Variants in ERC2 observed in about 807,000 individuals in gnomAD.
The protein encoded by ERC2 is ELKS/RAB6-interacting/CAST family member 2.
A neutral mutation model predicts 114.8 loss-of-function variants in ERC2; 42 were observed. That is an observed-to-expected ratio of 0.37 (90% confidence interval 0.29 to 0.47). The LOEUF (loss-of-function observed/expected upper bound fraction) is 0.47. Ranked by LOEUF, ERC2 falls within the 20% of genes least tolerant of loss-of-function variation. The probability of loss-of-function intolerance (pLI) is 0.99; values close to 1 mark genes in which losing one functional copy is unlikely to be tolerated. For missense variants in ERC2, 939 were observed against 1,150.7 expected (o/e 0.82, Z 2.66); for synonymous variants, 454 against 425.5 (o/e 1.07, Z -0.82).
intron 16 of ERC2, among the ~76,000 whole-genome samples, chr3:55,687,382 T>G (rs1229155338): frequency 6.6e-6 from 1 of 152,178 alleles, no homozygotes; most frequent in African/African-American, 2.4e-5. Flanking sequence ...ACCGGATTTT[T>G]TTTTTTTTTA....
At chr3:55,676,033 G>T (rs1194732036) in intron 17 of ERC2, among the ~76,000 whole-genome samples, 5 of 145,372 alleles carry the variant, frequency 3.4e-5, no homozygotes, top group African/African-American at 1.3e-4. Context: ...CAATTCTCCT[G>T]CCTCAGCTTC....
chr3:55,719,630 A>C (rs984875194), intron 15 of ERC2, among the ~76,000 whole-genome samples: 12 of 152,158 alleles, frequency 7.9e-5, no homozygotes, highest in Non-Finnish European at 1.8e-4. Flanking sequence ...TGCTCATACT[A>C]TCTGCTATTA....
rs1167250049 is a variant in ERC2, at chr3:56,256,663, G to A, written c.1074+39356C>T. 5.9e-5 allele frequency among the ~76,000 whole-genome samples: 9 copies of A among 151,974 alleles called. No homozygotes were observed. In the East Asian group the frequency reaches 1.2e-3, roughly 20 times the overall value. On this transcript the variant is annotated intron_variant, in intron 3 of 17. Coordinates refer to ENST00000288221, the MANE Select transcript of ERC2 (RefSeq NM_015576.3). ...TCTTGAATTCTAATTCCCACATGTC[G>A]AGGGAGGGACCTGTAATCCCCATGT...
intron 3 of ERC2, among the ~76,000 whole-genome samples, chr3:56,271,893 C>T (rs539545141): frequency 6.6e-6 from 1 of 152,232 alleles, no homozygotes; most frequent in African/African-American, 2.4e-5. Flanking sequence ...ATGATGGTCT[C>T]CAGCTCCATC....
At chr3:56,070,803 A>C (rs1296254642) in intron 7 of ERC2, among the ~76,000 whole-genome samples, 1 of 152,232 alleles carries the variant, frequency 6.6e-6, no homozygotes, top group Non-Finnish European at 1.5e-5. Context: ...TAAGTGGGCC[A>C]AGAAAGTGTG....
At chr3:55,723,877 G>C (rs559754939) in intron 15 of ERC2, among the ~76,000 whole-genome samples, 1 of 152,160 alleles carries the variant, frequency 6.6e-6, no homozygotes, top group East Asian at 1.9e-4. Flanking sequence ...CTTTCATTTT[G>C]AAATCCAGCA....
intron 5 of ERC2, among the ~76,000 whole-genome samples, chr3:56,144,156 A>T (rs2081018302): frequency 1.3e-5 from 2 of 152,262 alleles, no homozygotes; most frequent in African/African-American, 4.8e-5. Flanking sequence ...TATGTGAGCA[A>T]GTGAGCACTG....
At chr3:56,356,660 G>A (rs981239284) in intron 2 of ERC2, among the ~76,000 whole-genome samples, 1 of 151,974 alleles carries the variant, frequency 6.6e-6, no homozygotes, top group African/African-American at 2.4e-5. Flanking sequence ...CAGATTTTAC[G>A]CATTCTCCAC....
In ERC2 at chr3:56,346,933, A is replaced by G. The variant is rs76100067; in HGVS notation, c.658-50498T>C. On this transcript the variant is annotated intron_variant, in intron 2 of 17. Transcript: ENST00000288221. ...TTTTATAATCGGCATTAATCCATTC[A>G]TAAGGGAGGAGCCTGCATGACCTAA... is the stretch of plus-strand genomic sequence containing the variant. Among the ~76,000 whole-genome samples the G allele has an allele frequency of 9.5e-4, 145 of 152,304 alleles. 1 individual carries two copies. Among genetic ancestry groups the G allele is most frequent in the African/African-American group, 3.2e-3 (134 of 41,574 alleles).
rs556268477 is a variant in ERC2, at chr3:55,547,097, C to T, written c.*40-35821G>A. Among the ~76,000 whole-genome samples the T allele has an allele frequency of 1.3e-3, 205 of 152,356 alleles. 3 individuals are homozygous for T. Among genetic ancestry groups the T allele is most frequent in the South Asian group, 7.0e-3 (34 of 4,830 alleles). Reference sequence around the variant, plus strand: ...TGGTAATAGCGTATCTCTGTAGGGGCGTTAGCAAAGACAGCAGGGGATGCG... The same window carrying T: ...TGGTAATAGCGTATCTCTGTAGGGGTGTTAGCAAAGACAGCAGGGGATGCG... On this transcript the variant is annotated intron_variant, in intron 17 of 17. Coordinates refer to ENST00000288221, the MANE Select transcript of ERC2 (RefSeq NM_015576.3).
intron 9 of ERC2, among the ~76,000 whole-genome samples, chr3:56,008,611 A>C (rs1192296016): frequency 6.6e-6 from 1 of 152,182 alleles, no homozygotes; most frequent in Non-Finnish European, 1.5e-5. Flanking sequence ...GCCAGATGCA[A>C]TAGCCAGTTT....
intron 14 of ERC2, among the ~76,000 whole-genome samples, chr3:55,879,049 G>C (rs1166795043): frequency 6.7e-6 from 1 of 148,794 alleles, no homozygotes; most frequent in Non-Finnish European, 1.5e-5. Flanking sequence ...AAACCATGCA[G>C]TAACTTTCTT....
At chr3:55,870,079 A>ATT (rs112152631) in intron 14 of ERC2, among the ~76,000 whole-genome samples, 36 of 146,420 alleles carry the variant, frequency 2.5e-4, no homozygotes, top group African/African-American at 8.7e-4. Flanking sequence ...AAAGAGTACA[A>ATT]TTTTTTTTTT....
chr3:55,952,147 ACACACACACACACAC>A (rs2067569932), intron 12 of ERC2, among the ~76,000 whole-genome samples: 3 of 55,408 alleles, frequency 5.4e-5, no homozygotes, highest in Admixed American at 2.2e-4. Flanking sequence ...ACACACACAC[ACACACACACACACAC>A]ACACACACAC....
intron 13 of ERC2, among the ~76,000 whole-genome samples, chr3:55,940,353 C>G (rs1266515763): frequency 6.6e-6 from 1 of 152,056 alleles, no homozygotes; most frequent in Non-Finnish European, 1.5e-5. Flanking sequence ...GATCCCCTCA[C>G]TTCCTGCTTG....
chr3:56,243,285 C>T (rs1390289915), intron 3 of ERC2, among the ~76,000 whole-genome samples: 2 of 152,218 alleles, frequency 1.3e-5, no homozygotes, highest in East Asian at 3.8e-4. Context: ...ACACAGCCTC[C>T]ACCTTCAAGG....
chr3:56,205,149 C>T (rs1230802276), intron 3 of ERC2, among the ~76,000 whole-genome samples: 2 of 152,140 alleles, frequency 1.3e-5, no homozygotes, highest in African/African-American at 4.8e-5. Context: ...ATCTGCCACC[C>T]AGGCTTTGAC....
chr3:55,964,312 A>AT (rs1449704241), intron 12 of ERC2, among the ~76,000 whole-genome samples: 7 of 152,216 alleles, frequency 4.6e-5, no homozygotes, highest in African/African-American at 1.7e-4. Context: ...AATTTGAACT[A>AT]TTGTTCTGAT....
chr3:55,758,732 T>C (rs2067220974), intron 14 of ERC2, among the ~76,000 whole-genome samples: 1 of 152,194 alleles, frequency 6.6e-6, no homozygotes, highest in South Asian at 2.1e-4. Flanking sequence ...CCCCTCTTCT[T>C]ATTACACATT....
Sources: allele counts gnomAD v4.1 joint callset (sites outside exome capture counted in the v4.1 genomes callset), GRCh38; gene constraint gnomAD v4.1.1; transcripts MANE v1.5; gene names NCBI Gene and HGNC (gene_info 2026-07-23, HGNC 2026-07-21).